The following MCFD2 variants were observed in gnomAD, a reference collection of about 807,000 sequenced individuals.
MCFD2 encodes multiple coagulation factor deficiency 2, ER cargo receptor complex subunit.
Under a neutral mutation model 12.8 loss-of-function variants are expected in MCFD2, and 11 were observed. That is an observed-to-expected ratio of 0.86 (90% CI 0.54 to 1.42). The LOEUF is 1.42. MCFD2 is among the 40% of genes most tolerant of loss of function. The probability of loss-of-function intolerance (pLI) is 0.00; values close to 1 mark genes in which losing one functional copy is unlikely to be tolerated. For missense variants in MCFD2, 191 were observed against 178.6 expected, an observed-to-expected ratio of 1.07 and a Z score of -0.40; for synonymous variants, 70 against 68.1, an observed-to-expected ratio of 1.03 and a Z score of -0.14.
In MCFD2 at chr2:46,905,846, A is replaced by T. The variant is rs1467683479; in HGVS notation, c.310-252T>A. On this transcript the variant is annotated intron_variant, in intron 3 of 3. Coordinates refer to ENST00000319466, the MANE Select transcript of MCFD2 (RefSeq NM_139279.6). Reference sequence around the variant, plus strand: ...TTATTGAGTCAATTTATCATAATCCAGTTTAGAAATTACATTTGCCAGTTA... The same window carrying T: ...TTATTGAGTCAATTTATCATAATCCTGTTTAGAAATTACATTTGCCAGTTA... 1.7e-5 allele frequency: 10 copies of T among 587,888 alleles called. No individual in the cohort carries two copies. In the East Asian group the frequency reaches 3.9e-4, roughly 23 times the overall value. 36.4% of individuals were successfully genotyped at this position (587,888 alleles called of 1,614,324 possible).
intron 1 of MCFD2, among the ~76,000 whole-genome samples, chr2:46,939,826 G>A (rs1413929091): frequency 6.6e-6 from 1 of 152,216 alleles, no homozygotes; most frequent in Non-Finnish European, 1.5e-5. Flanking sequence ...GCCAGCTTGA[G>A]GAGTTGACTG....
At chr2:46,929,092 G>A (rs571933797) in intron 1 of MCFD2, among the ~76,000 whole-genome samples, 1 of 152,306 alleles carries the variant, frequency 6.6e-6, no homozygotes, top group Non-Finnish European at 1.5e-5. Context: ...GAACCTGGAA[G>A]GTGGAGGTTG....
chr2:46,915,626 C>T (rs949207162), intron 1 of MCFD2, 97 bp downstream of exon 1: 4 of 342,300 alleles, frequency 1.2e-5, no homozygotes, highest in African/African-American at 8.8e-5. Flanking sequence ...CCCGCGCCCC[C>T]AGACTACTCC....
chr2:46,922,421 C>T (rs1165012152), intron 1 of MCFD2, among the ~76,000 whole-genome samples: 1 of 152,132 alleles, frequency 6.6e-6, no homozygotes, highest in Non-Finnish European at 1.5e-5. Context: ...TATCTGCCTG[C>T]TATACATTTT....
chr2:46,915,977 C>T (rs2103780999), upstream of MCFD2: 1 of 985,432 alleles, frequency 1.0e-6, no homozygotes, highest in Non-Finnish European at 1.2e-6. Flanking sequence ...CGCAGTTCTT[C>T]TACCTGCTTT....
At chr2:46,921,231 C>T (rs1173162567) in intron 1 of MCFD2, among the ~76,000 whole-genome samples, 2 of 152,150 alleles carry the variant, frequency 1.3e-5, no homozygotes, top group Non-Finnish European at 1.5e-5. Context: ...GTAAAAGTAT[C>T]TTTATTCACA....
upstream of MCFD2, chr2:46,917,067 A>G (rs1668840367): frequency 1.5e-6 from 1 of 652,496 alleles, no homozygotes; most frequent in African/African-American, 1.8e-5. Flanking sequence ...AAAGTTGCCT[A>G]ACGCCACTGC....
chr2:46,939,880 A>C (rs1278802590), intron 1 of MCFD2, among the ~76,000 whole-genome samples: 1 of 152,168 alleles, frequency 6.6e-6, no homozygotes, highest in African/African-American at 2.4e-5. Flanking sequence ...AACTGTCTCT[A>C]AATTCCAACT....
chr2:46,908,586 T>C lies in MCFD2; in HGVS notation c.149+437A>G, dbSNP rs1328664167. 3.4e-6 allele frequency: 1 copy of C among 298,378 alleles called. No individual in the cohort carries two copies. Among genetic ancestry groups the C allele is most frequent in the Non-Finnish European group, 6.5e-6 (1 of 154,004 alleles). 18.5% of individuals were successfully genotyped at this position (298,378 alleles called of 1,614,324 possible). A position where few individuals can be genotyped will look rare whatever the true frequency, so the allele number is the denominator to read the frequency against. On this transcript the variant is annotated intron_variant, in intron 2 of 3. Transcript: ENST00000319466. This position sits in a 1 kb window ranked among gnomAD's most constrained non-coding sequence, Gnocchi z 4.5. ...GCCTTAAAAACAAAGGATAACCGAG[T>C]ATAATGCGTGAGGCTAACTGGCCCA...
chr2:46,941,599 T>A lies in MCFD2; in HGVS notation c.-35A>T. ...GAAGGTGGAGAGCGAGCTGGAGCGC[T>A]GCCGCGCCGAGGGCCACTGGGACCG... is the stretch of plus-strand genomic sequence containing the variant. On this transcript the variant is annotated 5_prime_UTR_variant, in exon 1 of 3. Coordinates refer to the MCFD2 transcript ENST00000409147. The surrounding 1 kb of genome is among the most constrained non-coding windows in gnomAD (Gnocchi z 4.2). 1 of 1,557,056 alleles carries A rather than the reference T, an allele frequency of 6.4e-7. No homozygotes were observed. Among genetic ancestry groups the A allele is most frequent in the Non-Finnish European group, 8.7e-7 (1 of 1,151,058 alleles).
At chr2:46,913,406 G>A (rs1668565296) in intron 1 of MCFD2, among the ~76,000 whole-genome samples, 1 of 152,140 alleles carries the variant, frequency 6.6e-6, no homozygotes, top group South Asian at 2.1e-4. Context: ...GAGAGAGAGA[G>A]AGGAAGAAAG....
intron 1 of MCFD2, among the ~76,000 whole-genome samples, chr2:46,910,596 A>T (rs1206068500): frequency 1.3e-5 from 2 of 152,146 alleles, no homozygotes; most frequent in African/African-American, 4.8e-5. Context: ...CCTCTTACCC[A>T]TCCTAAAAGG....
At chr2:46,917,275 G>T (rs1424985598), upstream of MCFD2, 3 of 679,964 alleles carry the variant, frequency 4.4e-6, no homozygotes, top group Non-Finnish European at 7.9e-6. Context: ...TGGGATTACA[G>T]GGGTGAGCCA....
At chr2:46,917,181 A>G (rs1217510234), upstream of MCFD2, 11 of 700,674 alleles carry the variant, frequency 1.6e-5, no homozygotes, top group East Asian at 1.1e-4. Context: ...TCTTTTTTTA[A>G]AGAAAAGAGT....
chr2:46,930,038 A>C (rs1428961851), intron 1 of MCFD2, among the ~76,000 whole-genome samples: 1 of 152,188 alleles, frequency 6.6e-6, no homozygotes, highest in Non-Finnish European at 1.5e-5. Context: ...GAAATAAACT[A>C]AGTTGGTGAA....
chr2:46,927,391 C>G (rs769676890), intron 1 of MCFD2, among the ~76,000 whole-genome samples: 3 of 135,238 alleles, frequency 2.2e-5, no homozygotes, highest in Non-Finnish European at 3.1e-5. Context: ...GAGTCTCGTT[C>G]TGTTGCCCAG....
At chr2:46,925,278 C>G (rs1436518940) in intron 1 of MCFD2, among the ~76,000 whole-genome samples, 2 of 152,192 alleles carry the variant, frequency 1.3e-5, no homozygotes, top group African/African-American at 4.8e-5. Flanking sequence ...ATATGTTGAG[C>G]TGGGTGCAGT....
Position 46,941,819 on chromosome 2 carries a change from C to A in MCFD2, c.-255G>T, listed in dbSNP as rs925819901. 2.7e-6 allele frequency: 4 copies of A among 1,476,630 alleles called. No homozygotes were observed. Among genetic ancestry groups the A allele is most frequent in the East Asian group, 2.5e-5 (1 of 40,168 alleles). The allele number at this position is 1,476,630 out of a possible 1,614,324, so 91.5% of individuals were successfully genotyped here. ...CGCCCAGACAGTCCTCGGCCGACAG[C>A]GGGCGCCTGCCAGCCCACCGTGCTA... On this transcript the variant is annotated 5_prime_UTR_variant, in exon 1 of 3. Transcript: ENST00000409147. The surrounding 1 kb of genome is among the most constrained non-coding windows in gnomAD (Gnocchi z 4.2).
rs1417985502 is a variant in MCFD2 at position 46,904,714 on chromosome 2, C to T, written c.*749G>A. The T allele has an allele frequency of 2.6e-5, 4 of 152,570 alleles. No individual in the cohort carries two copies. Among genetic ancestry groups the T allele is most frequent in the Non-Finnish European group, 5.9e-5 (4 of 68,354 alleles). 9.5% of individuals were successfully genotyped at this position (152,570 alleles called of 1,614,324 possible). On this transcript the variant is annotated 3_prime_UTR_variant, in exon 4 of 4. Transcript: ENST00000319466. ...TAGCTTGCTTTTGATTTTACAGGCT[C>T]ATAGGTGGAAGGGACTTGCCTTGTC...
Sources: allele counts gnomAD v4.1 joint callset (sites outside exome capture counted in the v4.1 genomes callset), GRCh38; gene constraint gnomAD v4.1.1; non-coding constraint Gnocchi (gnomAD v3.1); transcripts MANE v1.5; gene names NCBI Gene and HGNC (gene_info 2026-07-23, HGNC 2026-07-21).